The following UBE2Z variants were observed in gnomAD, a reference collection of about 807,000 sequenced individuals.
The protein encoded by UBE2Z is ubiquitin conjugating enzyme E2 Z.
A neutral mutation model predicts 32.6 loss-of-function variants in UBE2Z; 10 were observed. The observed-to-expected ratio is 0.31, with a 90% CI of 0.19 to 0.52. The LOEUF (loss-of-function observed/expected upper bound fraction) is 0.52. Among genes scored for constraint, UBE2Z ranks in the 20% least tolerant of loss-of-function variants. The pLI is 0.97. For missense variants in UBE2Z, 343 were observed against 480.9 expected, an observed-to-expected ratio of 0.71 and a Z score of 2.68; for synonymous variants, 183 against 190.8, an observed-to-expected ratio of 0.96 and a Z score of 0.34.
intron 4 of UBE2Z, among the ~76,000 whole-genome samples, chr17:48,919,395 C>A (rs933869473): frequency 6.6e-6 from 1 of 152,212 alleles, no homozygotes; most frequent in African/African-American, 2.4e-5. Context: ...CTTCTATTCA[C>A]ACCATAGTGA....
intron 2 of UBE2Z, chr17:48,912,370 A>G (rs557247057): frequency 6.4e-6 from 1 of 156,654 alleles, no homozygotes; most frequent in African/African-American, 2.4e-5. Context: ...TGGCCTGGGC[A>G]AATCCAAACA....
chr17:48,910,261 C>G (rs1353457213), intron 1 of UBE2Z: 1 of 153,972 alleles, frequency 6.5e-6, no homozygotes, highest in African/African-American at 2.4e-5. Flanking sequence ...CTGAAGAGAT[C>G]TCTACCCTGA....
chr17:48,922,323 G>T (rs986684237), intron 5 of UBE2Z, among the ~76,000 whole-genome samples: 1 of 152,056 alleles, frequency 6.6e-6, no homozygotes, highest in African/African-American at 2.4e-5. Context: ...GGAGGCGGAG[G>T]TTGCAGTGAG....
chr17:48,925,281 C>CAAAAAAAAAAAAAAA, intron 6 of UBE2Z, among the ~76,000 whole-genome samples: 1 of 108,296 alleles, frequency 9.2e-6, no homozygotes, highest in Non-Finnish European at 1.8e-5. Context: ...GACTCCACCT[C>CAAAAAAAAAAAAAAA]AAAAAAAAAA....
intron 6 of UBE2Z, among the ~76,000 whole-genome samples, chr17:48,926,138 AC>A: frequency 6.6e-6 from 1 of 152,278 alleles, no homozygotes; most frequent in Non-Finnish European, 1.5e-5. Flanking sequence ...ATGCCCAGAA[AC>A]CTGGATGGGA....
intron 6 of UBE2Z, among the ~76,000 whole-genome samples, chr17:48,924,331 T>A (rs973473544): frequency 6.6e-6 from 1 of 152,228 alleles, no homozygotes; most frequent in Admixed American, 6.5e-5. Flanking sequence ...AGGGATTATA[T>A]GAATCCTCTA....
chr17:48,913,860 CATT>C lies in UBE2Z; in HGVS notation c.578+842_578+844del, dbSNP rs575631875. Among the ~76,000 whole-genome samples, 55 of 151,976 alleles carry C rather than the reference CATT, an allele frequency of 3.6e-4. 2 individuals carry two copies. The East Asian group carries it at 0.01, about 29-fold the overall frequency. Reference sequence around the variant, plus strand: ...CAGTGGCGGTGGTGGTGGTGGTGATCATTATGGTTTCATTTTTGTTTTGTTTTG... The same window carrying C: ...CAGTGGCGGTGGTGGTGGTGGTGATCATGGTTTCATTTTTGTTTTGTTTTG... On this transcript the variant is annotated intron_variant, in intron 3 of 6. Transcript: ENST00000360943.
rs1322560305 is a variant in UBE2Z, at chr17:48,908,643, C to T, written c.140C>T (p.Ala47Val). Residue 47 changes from alanine (A) to valine (V), a missense_variant, in exon 1 of 7, where the codon GCG (alanine) becomes GTG (valine). Coordinates refer to ENST00000360943, the MANE Select transcript of UBE2Z (RefSeq NM_023079.5). ...FGPPFLPDVW[A>V]AAAAAGGAGG... ...CCGCCTTTCCTGCCGGATGTGTGGG[C>T]GGCGGCGGCGGCAGCGGGCGGGGCC... The T allele has an allele frequency of 3.3e-6, 4 of 1,222,434 alleles. No homozygotes were observed. Among genetic ancestry groups the T allele is most frequent in the Non-Finnish European group, 4.1e-6 (4 of 980,384 alleles). The allele number at this position is 1,222,434 out of a possible 1,614,324, so 75.7% of individuals were successfully genotyped here. A position where few individuals can be genotyped will look rare whatever the true frequency, so the allele number is the denominator to read the frequency against.
intron 2 of UBE2Z, chr17:48,912,240 CT>C (rs1350404436): frequency 6.5e-6 from 1 of 153,356 alleles, no homozygotes; most frequent in Admixed American, 6.4e-5. Flanking sequence ...ATCACACCCC[CT>C]AACCCTGCTG....
Position 48,927,356 on chromosome 17 carries a change from A to C in UBE2Z, c.*222A>C. ...CATCTGGGGCTTCGTTCATCCATTC[A>C]TCCCGTATCAGGGGCCAAGGTACCT... On this transcript the variant is annotated 3_prime_UTR_variant, in exon 7 of 7. Coordinates refer to ENST00000360943, the MANE Select transcript of UBE2Z (RefSeq NM_023079.5). 1 of 542,320 alleles carries C rather than the reference A, an allele frequency of 1.8e-6. No homozygotes were observed. Among genetic ancestry groups the C allele is most frequent in the South Asian group, 2.5e-5 (1 of 40,568 alleles). 33.6% of individuals were successfully genotyped at this position (542,320 alleles called of 1,614,324 possible).
chr17:48,923,057 C>T (rs1291178920), intron 6 of UBE2Z, 120 bp downstream of exon 6: 2 of 898,514 alleles, frequency 2.2e-6, no homozygotes, highest in Non-Finnish European at 3.3e-6. Flanking sequence ...TTCAGTGGCT[C>T]ATGCCTGTAA....
In UBE2Z at chr17:48,923,873, G is replaced by A. The variant is rs952367876; in HGVS notation, c.894+936G>A. On this transcript the variant is annotated intron_variant, in intron 6 of 6. Coordinates refer to ENST00000360943, the MANE Select transcript of UBE2Z (RefSeq NM_023079.5). ...TCAGCCTCCCAAGCTGGGACTTACA[G>A]GTGTGCACCACCACAGCTAGTTTTT... 9.2e-5 allele frequency among the ~76,000 whole-genome samples: 14 copies of A among 152,036 alleles called. 1 individual carries two copies. The highest frequency in any genetic ancestry group is 4.2e-4 in the South Asian group (2 of 4,814).
Position 48,910,825 on chromosome 17 carries a change from A to G in UBE2Z, c.335A>G (p.Tyr112Cys). 1 of 1,613,176 alleles carries G rather than the reference A, an allele frequency of 6.2e-7. No individual in the cohort carries two copies. The highest frequency in any genetic ancestry group is 1.3e-5 in the African/African-American group (1 of 74,882). ...LRIKRDIMSI[Y>C]KEPPPGMFVV... ...TTATACAGGGATATCATGTCCATTT[A>G]TAAGGAGCCTCCTCCAGGAATGTTC... Residue 112 changes from tyrosine to cysteine, a missense_variant, in exon 2 of 7, where the codon TAT becomes TGT. By Grantham distance (194) the Tyr-to-Cys change is radical (BLOSUM62 -2). Around this residue, in one of 4 missense-constraint regions of UBE2Z, gnomAD observed 55 missense variants for 56.2 expected, o/e 0.98. Coordinates refer to ENST00000360943, the MANE Select transcript of UBE2Z (RefSeq NM_023079.5).
Position 48,922,943 on chromosome 17 carries a change from A to G in UBE2Z, c.894+6A>G. Reference sequence around the variant, plus strand: ...TTCAAGGCCAAACTATGCAGGTAATACAACCCCTGCTGCTAATTGCAGAAG... The same window carrying G: ...TTCAAGGCCAAACTATGCAGGTAATGCAACCCCTGCTGCTAATTGCAGAAG... On this transcript the variant is annotated splice_donor_region_variant and intron_variant, in intron 6 of 6. Transcript: ENST00000360943. 6.2e-7 allele frequency: 1 copy of G among 1,607,084 alleles called. No individual in the cohort carries two copies. Among genetic ancestry groups the G allele is most frequent in the Non-Finnish European group, 8.5e-7 (1 of 1,175,936 alleles).
At chr17:48,911,197 T>C (rs893458008) in intron 2 of UBE2Z, 1 of 328,568 alleles carries the variant, frequency 3.0e-6, no homozygotes, top group African/African-American at 2.1e-5. Context: ...AATTATATGG[T>C]CACCCTATCC....
At position 48,928,687 on chromosome 17, in the gene UBE2Z, G is replaced by GT. The variant is rs1484152141; in HGVS notation, c.*1556dup. On this transcript the variant is annotated 3_prime_UTR_variant, in exon 7 of 7. Transcript: ENST00000360943. ...GGATTGGTGGGCTTGGGGAACGGAA[G>GT]TTTATCTTGGATACCCTTGAAGAGG... 2 of 151,394 alleles carry GT rather than the reference G, an allele frequency of 1.3e-5. No individual in the cohort carries two copies. Among genetic ancestry groups the GT allele is most frequent in the African/African-American group, 4.8e-5 (2 of 41,424 alleles). The allele number at this position is 151,394 out of a possible 1,614,324, so 9.4% of individuals were successfully genotyped here.
chr17:48,926,065 C>T (rs1237433142), intron 6 of UBE2Z, among the ~76,000 whole-genome samples: 11 of 152,114 alleles, frequency 7.2e-5, no homozygotes, highest in Admixed American at 3.3e-4. Context: ...TTCTGTACAA[C>T]GTTTAGGGAT....
At chr17:48,920,033 A>G (rs2040748481) in intron 4 of UBE2Z, among the ~76,000 whole-genome samples, 1 of 151,888 alleles carries the variant, frequency 6.6e-6, no homozygotes, top group South Asian at 2.1e-4. Flanking sequence ...AACTTTTTTA[A>G]AAAAATAGCT....
intron 2 of UBE2Z, chr17:48,911,773 G>A (rs902036852): frequency 2.0e-5 from 3 of 152,184 alleles, no homozygotes; most frequent in Admixed American, 2.0e-4. Flanking sequence ...ATGCCATGTT[G>A]AGACCAGTTG....
Sources: allele counts gnomAD v4.1 joint callset (sites outside exome capture counted in the v4.1 genomes callset), GRCh38; gene constraint gnomAD v4.1.1; regional missense constraint gnomAD v4.1.1; transcripts MANE v1.5; gene names NCBI Gene and HGNC (gene_info 2026-07-23, HGNC 2026-07-21).